The following C4orf17 variants were observed in gnomAD, a reference collection of about 807,000 sequenced individuals.
C4orf17 encodes the protein uncharacterized protein C4orf17.
Under a neutral mutation model 32.0 loss-of-function variants are expected in C4orf17, and 25 were observed. The ratio of observed to expected loss-of-function variants is 0.78; its 90% CI spans 0.57 to 1.09. The LOEUF is 1.09. Ranked by LOEUF, C4orf17 falls within the 50% of genes least tolerant of loss-of-function variation. The pLI is 0.00. For missense variants in C4orf17, 420 were observed against 420.0 expected (o/e 1.00, Z 0.00); for synonymous variants, 149 against 145.8 (o/e 1.02, Z -0.16).
chr4:99,539,448 C>A, intron 7 of C4orf17, 78 bp downstream of exon 7: 1 of 1,203,766 alleles, frequency 8.3e-7, no homozygotes, highest in Non-Finnish European at 1.2e-6. Context: ...ATTTATCTTT[C>A]AAAATGTTAA....
chr4:99,538,715 T>A (rs1252362946), intron 6 of C4orf17, among the ~76,000 whole-genome samples: 2 of 152,028 alleles, frequency 1.3e-5, no homozygotes, highest in Non-Finnish European at 2.9e-5. Context: ...AGAAAAAAAA[T>A]AATCAATAAA....
rs185089299 is a variant in C4orf17, at chr4:99,537,794, T to C, written c.628+44T>C. The C allele has an allele frequency of 4.5e-6, 6 of 1,346,394 alleles. No individual in the cohort carries two copies. In the East Asian group the frequency reaches 9.2e-5, roughly 21 times the overall value. 83.4% of individuals were successfully genotyped at this position (1,346,394 alleles called of 1,614,324 possible). A position where few individuals can be genotyped will look rare whatever the true frequency, so the allele number is the denominator to read the frequency against. ...TTTTAAAACACTGAGCTCAATTTAT[T>C]GTCAGAAACTGGGAATATGCCAATA... On this transcript the variant is annotated intron_variant, in intron 6 of 8. Coordinates refer to ENST00000326581, the MANE Select transcript of C4orf17 (RefSeq NM_032149.3).
intron 2 of C4orf17, among the ~76,000 whole-genome samples, chr4:99,514,177 C>A (rs1723139868): frequency 6.6e-6 from 1 of 151,970 alleles, no homozygotes; most frequent in African/African-American, 2.4e-5. Flanking sequence ...TAATAAAAAC[C>A]AATGTCATTT....
chr4:99,513,770 C>T (rs1723133759), intron 2 of C4orf17, among the ~76,000 whole-genome samples: 1 of 151,996 alleles, frequency 6.6e-6, no homozygotes. Flanking sequence ...TTAATAACAG[C>T]ATTTCCCTTT....
Position 99,530,183 on chromosome 4 carries a change from G to A in C4orf17, c.546+225G>A, listed in dbSNP as rs745611254. Among the ~76,000 whole-genome samples, 118 of 152,196 alleles carry A rather than the reference G, an allele frequency of 7.8e-4. 1 individual carries two copies. Among genetic ancestry groups the A allele is most frequent in the Non-Finnish European group, 9.7e-4 (66 of 67,968 alleles). ...GATAAACACAATCTTTGATTCAGAC[G>A]TAATGAAAAGCTTGGTGTTTATCAC... On this transcript the variant is annotated intron_variant, in intron 5 of 8. Coordinates refer to ENST00000326581, the MANE Select transcript of C4orf17 (RefSeq NM_032149.3).
intron 8 of C4orf17, chr4:99,540,684 C>A (rs1307491421): frequency 3.7e-5 from 16 of 432,964 alleles, no homozygotes; most frequent in Admixed American, 8.0e-5. Context: ...CTTTGAGAAG[C>A]AAGACAGCAG....
Position 99,513,105 on chromosome 4 carries a change from T to G in C4orf17, c.24T>G (p.Ser8=). The change falls in exon 2 of 9, where the codon TCT becomes TCG. Residue 8 remains serine (S), a synonymous_variant. Transcript: ENST00000326581. MNLNPPT[S]ALQIEGKGSH... is the part of the protein sequence containing the mutation. ...ACATGAACCTCAACCCCCCGACATC[T>G]GCTCTTCAGATCGAGGGCAAAGGCA... 6.2e-7 allele frequency: 1 copy of G among 1,613,860 alleles called. No homozygotes were observed. The highest frequency in any genetic ancestry group is 8.5e-7 in the Non-Finnish European group (1 of 1,179,834).
intron 2 of C4orf17, among the ~76,000 whole-genome samples, chr4:99,518,755 T>TTG (rs1275439799): frequency 6.8e-6 from 1 of 147,446 alleles, no homozygotes; most frequent in Non-Finnish European, 1.5e-5. Flanking sequence ...CACAGTGGAC[T>TTG]TGTCTAAGTT....
intron 5 of C4orf17, among the ~76,000 whole-genome samples, chr4:99,537,037 C>A (rs1723573871): frequency 1.3e-5 from 2 of 151,972 alleles, no homozygotes; most frequent in Non-Finnish European, 2.9e-5. Flanking sequence ...TGTCTGTTTA[C>A]CCCACCTCCA....
At chr4:99,526,692 A>G (rs1170645920) in intron 4 of C4orf17, among the ~76,000 whole-genome samples, 6 of 129,308 alleles carry the variant, frequency 4.6e-5, no homozygotes, top group Non-Finnish European at 1.0e-4. Context: ...TGGGTTGTCT[A>G]TTTCTTCTTT....
chr4:99,527,219 T>A (rs903337401), intron 4 of C4orf17, among the ~76,000 whole-genome samples: 1 of 152,238 alleles, frequency 6.6e-6, no homozygotes, highest in African/African-American at 2.4e-5. Flanking sequence ...GATATCTTTA[T>A]GTTATTAATT....
intron 8 of C4orf17, 131 bp from the exon 9 acceptor site, chr4:99,541,779 G>A (rs761004609): frequency 7.5e-6 from 5 of 668,336 alleles, no homozygotes; most frequent in African/African-American, 1.9e-5. Context: ...ATATTCTTTT[G>A]TGAATTTTGG....
intron 2 of C4orf17, among the ~76,000 whole-genome samples, chr4:99,517,406 C>A (rs887727881): frequency 6.6e-5 from 10 of 152,016 alleles, no homozygotes; most frequent in Non-Finnish European, 1.5e-4. Context: ...GATAATGAAG[C>A]AAAATAATCT....
At position 99,522,675 on chromosome 4, in the gene C4orf17, A is replaced by C; in HGVS notation, c.303A>C (p.Pro101=). 1 of 1,613,906 alleles carries C rather than the reference A, an allele frequency of 6.2e-7. No homozygotes were observed. The highest frequency in any genetic ancestry group is 2.2e-5 in the East Asian group (1 of 44,862). ...ESPVRGMSPA[P]NGAKVPPRPH... is the part of the protein sequence containing the mutation. ...CTGTAAGAGGAATGTCGCCAGCCCC[A>C]AACGGTGCCAAAGTGCCTCCACGGC... Residue 101 remains proline (P), a synonymous_variant, in exon 3 of 9, where the codon CCA becomes CCC. Coordinates refer to ENST00000326581, the MANE Select transcript of C4orf17 (RefSeq NM_032149.3).
chr4:99,536,015 T>C (rs1723555325), intron 5 of C4orf17: 2 of 444,816 alleles, frequency 4.5e-6, no homozygotes, highest in African/African-American at 2.0e-5. Flanking sequence ...CTCCAGACCC[T>C]GGTTGCCTTG....
Position 99,511,423 on chromosome 4 carries a change from C to CTT in C4orf17, c.-94+161_-94+162dup, listed in dbSNP as rs35370166. Reference sequence around the variant, plus strand: ...GAAATACACATTGTTTTCTTGTTGACTTTTTTTTTTTCAAAATTTAAAGTG... The same window carrying CTT: ...GAAATACACATTGTTTTCTTGTTGACTTTTTTTTTTTTTCAAAATTTAAAGTG... On this transcript the variant is annotated intron_variant, in intron 1 of 8. Coordinates refer to ENST00000326581, the MANE Select transcript of C4orf17 (RefSeq NM_032149.3). Among the ~76,000 whole-genome samples, 26 of 144,556 alleles carry CTT rather than the reference C, an allele frequency of 1.8e-4. No individual in the cohort carries two copies. The East Asian group carries it at 2.2e-3, about 12-fold the overall frequency. The allele number at this position is 144,556 out of a possible 152,430, so 94.8% of individuals were successfully genotyped here. A position where few individuals can be genotyped will look rare whatever the true frequency, so the allele number is the denominator to read the frequency against.
At position 99,513,180 on chromosome 4, in the gene C4orf17, T is replaced by G. The variant is rs944998553; in HGVS notation, c.99T>G (p.Pro33=). The G allele has an allele frequency of 6.8e-6, 11 of 1,613,788 alleles. No homozygotes were observed. Among genetic ancestry groups the G allele is most frequent in the Admixed American group, 1.7e-5 (1 of 59,990 alleles). ...GCTGCTTTCTAGTCAGGCACACCCC[T>G]CATCCCAGAAGAGTCTGCCACATCA... ...NVSCFLVRHT[P]HPRRVCHIKG... Residue 33 remains proline, a synonymous_variant, in exon 2 of 9, where the codon CCT becomes CCG. Transcript: ENST00000326581.
intron 4 of C4orf17, among the ~76,000 whole-genome samples, chr4:99,527,233 A>G (rs1201485068): frequency 2.6e-5 from 4 of 152,110 alleles, no homozygotes; most frequent in Admixed American, 2.6e-4. Flanking sequence ...ATTAATTCCA[A>G]TTTAATCCCA....
At chr4:99,516,049 C>T (rs1235711448) in intron 2 of C4orf17, among the ~76,000 whole-genome samples, 1 of 152,166 alleles carries the variant, frequency 6.6e-6, no homozygotes, top group Non-Finnish European at 1.5e-5. Context: ...ATCACATATC[C>T]TTTGCACCTT....
Sources: gnomAD v4.1 joint callset for allele counts (sites outside exome capture counted in the v4.1 genomes callset) on GRCh38, gnomAD v4.1.1 for gene constraint, MANE v1.5 for transcripts, NCBI Gene and HGNC (gene_info 2026-07-23, HGNC 2026-07-21) for gene names.